PPARG: variants seen among roughly 807,000 people sequenced by gnomAD.
PPARG encodes the protein peroxisome proliferator activated receptor gamma.
PPARG carries 17 observed loss-of-function variants against 39.2 expected under a neutral mutation model. That is an observed-to-expected ratio of 0.43 (90% CI 0.30 to 0.65). The LOEUF is 0.65. Among genes scored for constraint, PPARG ranks in the 30% least tolerant of loss-of-function variants. The probability of loss-of-function intolerance (pLI) is 0.13; values close to 1 mark genes in which losing one functional copy is unlikely to be tolerated. For missense variants in PPARG, 406 were observed against 585.9 expected (o/e 0.69, Z 3.17); for synonymous variants, 223 against 215.7 (o/e 1.03, Z -0.30).
intron 2 of PPARG, chr3:12,372,129 C>T: frequency 1.4e-6 from 1 of 719,754 alleles, no homozygotes; most frequent in Non-Finnish European, 2.6e-6. Flanking sequence ...CTCTTGTTGC[C>T]TAGCTGAACA....
At chr3:12,411,462 A>G (rs1014416494) in intron 6 of PPARG, among the ~76,000 whole-genome samples, 1 of 152,242 alleles carries the variant, frequency 6.6e-6, no homozygotes, top group African/African-American at 2.4e-5. Flanking sequence ...ACAGTGGTTC[A>G]AAAGGCCCTG....
In PPARG at chr3:12,414,191, G is replaced by C. The variant is rs114153394; in HGVS notation, c.730-2513G>C. ...GAGCAGAAGCTCTGAAAGTTGAAGT[G>C]GGCAGTTCTGGGTACAGTCTTTCCA... On this transcript the variant is annotated intron_variant, in intron 6 of 7. Transcript: ENST00000651735. Among the ~76,000 whole-genome samples the C allele has an allele frequency of 4.0e-3, 604 of 152,336 alleles. 4 individuals carry two copies. The highest frequency in any genetic ancestry group is 0.014 in the African/African-American group (588 of 41,574).
intron 2 of PPARG, among the ~76,000 whole-genome samples, chr3:12,365,599 T>C (rs1477391064): frequency 2.0e-5 from 3 of 151,718 alleles, no homozygotes; most frequent in Admixed American, 1.3e-4. Context: ...ATTATTGTTA[T>C]TATTATATTT....
rs192005998 is a variant in PPARG at position 12,332,511 on chromosome 3, T to A, written c.-9+20058T>A. On this transcript the variant is annotated intron_variant, in intron 2 of 7. Coordinates refer to ENST00000651735, the MANE Select transcript of PPARG (RefSeq NM_138711.6). ...AGGTAGAAGAACAACTTTCAGTGTG[T>A]TAAGGGTTTTTAATAGTTAATCACA... Among the ~76,000 whole-genome samples the A allele has an allele frequency of 2.2e-3, 335 of 152,340 alleles. 1 individual carries two copies. Among genetic ancestry groups the A allele is most frequent in the African/African-American group, 7.6e-3 (314 of 41,586 alleles).
chr3:12,368,067 T>A (rs922791867), intron 2 of PPARG, among the ~76,000 whole-genome samples: 2 of 152,072 alleles, frequency 1.3e-5, no homozygotes, highest in Admixed American at 6.6e-5. Context: ...AAACATTGAA[T>A]TTGGTTTTGA....
intron 1 of PPARG, among the ~76,000 whole-genome samples, chr3:12,309,635 A>C (rs1056149326): frequency 6.6e-6 from 1 of 152,228 alleles, no homozygotes; most frequent in Non-Finnish European, 1.5e-5. Context: ...TAAAAAATCA[A>C]CTATAAAACT....
intron 2 of PPARG, among the ~76,000 whole-genome samples, chr3:12,377,858 A>G (rs985309345): frequency 1.3e-5 from 2 of 152,214 alleles, no homozygotes; most frequent in African/African-American, 4.8e-5. Flanking sequence ...GAAGTTATGG[A>G]TTGCAAATCG....
At chr3:12,409,888 C>A (rs566962990) in intron 6 of PPARG, among the ~76,000 whole-genome samples, 3 of 152,328 alleles carry the variant, frequency 2.0e-5, no homozygotes, top group Admixed American at 2.0e-4. Flanking sequence ...CTTCCCCTCC[C>A]CAACTAATCT....
At chr3:12,287,874 G>C (rs1259185533), upstream of PPARG, 1 of 130,614 alleles carries the variant, frequency 7.7e-6, no homozygotes, top group African/African-American at 2.7e-5. Flanking sequence ...CCCCCGCGCC[G>C]GGCCCGGCTC....
At chr3:12,415,255 G>A (rs868390124) in intron 6 of PPARG, among the ~76,000 whole-genome samples, 64 of 152,280 alleles carry the variant, frequency 4.2e-4, no homozygotes, top group African/African-American at 1.3e-3. Context: ...AATGCAACTA[G>A]AATTTCCTCC....
chr3:12,347,533 C>G (rs1180184182), intron 2 of PPARG, among the ~76,000 whole-genome samples: 2 of 152,170 alleles, frequency 1.3e-5, no homozygotes, highest in East Asian at 3.9e-4. Context: ...ATGAAGAAAC[C>G]CTGAACTGAT....
At chr3:12,362,704 A>G (rs895220638) in intron 2 of PPARG, among the ~76,000 whole-genome samples, 1 of 152,088 alleles carries the variant, frequency 6.6e-6, no homozygotes, top group African/African-American at 2.4e-5. Context: ...AGTGGTGAGT[A>G]GAAGTAATGA....
intron 2 of PPARG, among the ~76,000 whole-genome samples, chr3:12,360,194 T>C (rs1559507067): frequency 1.3e-5 from 2 of 152,216 alleles, no homozygotes. Flanking sequence ...TATTTTTTAA[T>C]AGAGACACGG....
At chr3:12,377,318 G>A (rs1231276701) in intron 2 of PPARG, among the ~76,000 whole-genome samples, 2 of 151,910 alleles carry the variant, frequency 1.3e-5, no homozygotes, top group African/African-American at 4.8e-5. Context: ...TTGTTTTGGG[G>A]ATGGTTTAAA....
At chr3:12,351,575 C>A in intron 2 of PPARG, 2 of 1,563,556 alleles carry the variant, frequency 1.3e-6, no homozygotes, top group Non-Finnish European at 1.8e-6. Flanking sequence ...TTACAGCAAA[C>A]CCCTATTCCA....
intron 2 of PPARG, among the ~76,000 whole-genome samples, chr3:12,346,415 A>T (rs2125081892): frequency 6.6e-6 from 1 of 152,308 alleles, no homozygotes; most frequent in Admixed American, 6.5e-5. Context: ...TTAAAACTCA[A>T]AAAGACCTTA....
chr3:12,323,594 C>G (rs959373212), intron 2 of PPARG, among the ~76,000 whole-genome samples: 1 of 152,142 alleles, frequency 6.6e-6, no homozygotes, highest in African/African-American at 2.4e-5. Flanking sequence ...CCCTATTTGA[C>G]AGGTGAATTA....
intron 4 of PPARG, among the ~76,000 whole-genome samples, chr3:12,387,365 A>G (rs2049915263): frequency 6.6e-6 from 1 of 152,118 alleles, no homozygotes. Flanking sequence ...ATTTCTCCAC[A>G]TCCTCTCCAG....
chr3:12,335,015 T>C (rs955847548), intron 2 of PPARG, among the ~76,000 whole-genome samples: 1 of 152,246 alleles, frequency 6.6e-6, no homozygotes, highest in Non-Finnish European at 1.5e-5. Flanking sequence ...TGGATCCAGA[T>C]TGCAAAATTG....
Sources: gnomAD v4.1 joint callset for allele counts (sites outside exome capture counted in the v4.1 genomes callset) on GRCh38, gnomAD v4.1.1 for gene constraint, MANE v1.5 for transcripts, NCBI Gene and HGNC (gene_info 2026-07-23, HGNC 2026-07-21) for gene names.